The following PLPP7 variants were observed in gnomAD, a reference collection of about 807,000 sequenced individuals.
PLPP7 encodes the protein inactive phospholipid phosphatase 7.
PLPP7 carries 11 observed loss-of-function variants against 16.9 expected under a neutral mutation model. That is an observed-to-expected ratio of 0.65 (90% CI 0.41 to 1.08). The LOEUF (loss-of-function observed/expected upper bound fraction) is 1.08. Ranked by LOEUF, PLPP7 falls within the 50% of genes least tolerant of loss-of-function variation. The pLI, the probability that PLPP7 is intolerant of heterozygous loss-of-function variation, is 0.00. For missense variants in PLPP7, 358 were observed against 397.1 expected (o/e 0.90, Z 0.84); for synonymous variants, 174 against 175.1 (o/e 0.99, Z 0.05).
chr9:131,306,666 G>A (rs959215557), intron 1 of PLPP7, among the ~76,000 whole-genome samples: 18 of 152,172 alleles, frequency 1.2e-4, no homozygotes, highest in Admixed American at 1.2e-3. Context: ...AGGAAAGGAA[G>A]GCAGACACAA....
At chr9:131,300,143 G>A (rs1306224343) in intron 1 of PLPP7, among the ~76,000 whole-genome samples, 1 of 152,206 alleles carries the variant, frequency 6.6e-6, no homozygotes, top group Admixed American at 6.5e-5. Flanking sequence ...CATCTGGTGA[G>A]GGCCTTCTTG....
At chr9:131,291,032 G>T in intron 1 of PLPP7, 1 of 1,356,166 alleles carries the variant, frequency 7.4e-7, no homozygotes, top group Non-Finnish European at 9.9e-7. Flanking sequence ...CCTTCCCAGG[G>T]GGAGTCACTG....
In PLPP7 at chr9:131,289,968, A is replaced by G. The variant is rs780714550; in HGVS notation, c.-30A>G. ...AGAAGGCCCTTGGAGCCGGGCTGGC[A>G]TCGGCCTTCTCGGGGTGAGCGAGGT... On this transcript the variant is annotated 5_prime_UTR_variant, in exon 1 of 2. Transcript: ENST00000372264. 4 of 1,401,376 alleles carry G rather than the reference A, an allele frequency of 2.9e-6. No individual in the cohort carries two copies. The highest frequency in any genetic ancestry group is 2.9e-5 in the Admixed American group (1 of 34,450). 86.8% of individuals were successfully genotyped at this position (1,401,376 alleles called of 1,614,324 possible).
At chr9:131,300,782 T>C (rs1835789854) in intron 1 of PLPP7, among the ~76,000 whole-genome samples, 1 of 150,714 alleles carries the variant, frequency 6.6e-6, no homozygotes, top group African/African-American at 2.4e-5. Flanking sequence ...AGCTGGGGCA[T>C]GTGGGGAGGT....
intron 1 of PLPP7, among the ~76,000 whole-genome samples, chr9:131,303,193 G>T (rs566289769): frequency 6.6e-6 from 1 of 152,106 alleles, no homozygotes; most frequent in South Asian, 2.1e-4. Context: ...TTAGCTGGGC[G>T]TGGTAGCACA....
intron 1 of PLPP7, among the ~76,000 whole-genome samples, chr9:131,300,689 GAAAAAAAAAA>G (rs1165239833): frequency 2.5e-5 from 1 of 40,358 alleles, no homozygotes; most frequent in African/African-American, 8.6e-5. Flanking sequence ...CTCAAAAGCA[GAAAAAAAAAA>G]AAAAAAAAAA....
intron 1 of PLPP7, among the ~76,000 whole-genome samples, chr9:131,307,242 T>C (rs2131221735): frequency 7.5e-6 from 1 of 134,024 alleles, no homozygotes; most frequent in East Asian, 2.2e-4. Flanking sequence ...CAAGACCCTG[T>C]ATCAAAAAAA....
chr9:131,291,511 C>A, intron 1 of PLPP7: 17 of 568,712 alleles, frequency 3.0e-5, no homozygotes, highest in African/African-American at 4.1e-5. Flanking sequence ...TTGGATACTT[C>A]ATGCAGGAGA....
intron 1 of PLPP7, among the ~76,000 whole-genome samples, chr9:131,298,490 C>G (rs1835760279): frequency 1.3e-5 from 2 of 152,254 alleles, no homozygotes. Flanking sequence ...CAGCCTTCAC[C>G]TCCCACCCCT....
intron 1 of PLPP7, among the ~76,000 whole-genome samples, chr9:131,307,491 C>A (rs1020426083): frequency 7.8e-6 from 1 of 128,448 alleles, no homozygotes; most frequent in African/African-American, 3.0e-5. Context: ...GGCGGAGGTT[C>A]CAGTGAGCCA....
chr9:131,298,446 G>T, intron 1 of PLPP7, among the ~76,000 whole-genome samples: 1 of 152,048 alleles, frequency 6.6e-6, no homozygotes, highest in Non-Finnish European at 1.5e-5. Context: ...CAGAAGCCCC[G>T]TCCTTGTTCC....
chr9:131,289,943 A>C lies in PLPP7; in HGVS notation c.-55A>C. On this transcript the variant is annotated 5_prime_UTR_variant, in exon 1 of 2. Coordinates refer to ENST00000372264, the MANE Select transcript of PLPP7 (RefSeq NM_032728.4). ...CTGGGGGCAGCTCTTGTCTTCGGGG[A>C]GAAGGCCCTTGGAGCCGGGCTGGCA... 1 of 1,345,186 alleles carries C rather than the reference A, an allele frequency of 7.4e-7. No homozygotes were observed. The highest frequency in any genetic ancestry group is 9.6e-7 in the Non-Finnish European group (1 of 1,046,556). 83.3% of individuals were successfully genotyped at this position (1,345,186 alleles called of 1,614,324 possible).
chr9:131,293,917 G>A (rs1266558355), intron 1 of PLPP7, among the ~76,000 whole-genome samples: 3 of 152,176 alleles, frequency 2.0e-5, no homozygotes, highest in East Asian at 1.9e-4. Context: ...AACCCCCAGG[G>A]GCAGTCTCTG....
At chr9:131,294,195 A>G (rs1382187236) in intron 1 of PLPP7, among the ~76,000 whole-genome samples, 2 of 152,102 alleles carry the variant, frequency 1.3e-5, no homozygotes, top group Non-Finnish European at 2.9e-5. Context: ...TTTGGACTCC[A>G]CAGGCAGCCG....
intron 1 of PLPP7, among the ~76,000 whole-genome samples, chr9:131,301,867 A>G (rs1397262266): frequency 1.4e-4 from 19 of 136,118 alleles, no homozygotes; most frequent in African/African-American, 4.9e-4. Context: ...CCCAGGCTGG[A>G]GTGCAGTGGC....
At chr9:131,306,245 CAAATA>C (rs1344413452) in intron 1 of PLPP7, among the ~76,000 whole-genome samples, 6 of 150,024 alleles carry the variant, frequency 4.0e-5, no homozygotes, top group Admixed American at 2.0e-4. Context: ...TCAAAAAAAT[CAAATA>C]AAATAAAGAG....
chr9:131,291,321 G>A, intron 1 of PLPP7: 5 of 1,202,532 alleles, frequency 4.2e-6, no homozygotes, highest in Non-Finnish European at 5.3e-6. Flanking sequence ...GGACATGTGA[G>A]GTGGAGGTCT....
chr9:131,303,076 A>C (rs1323056107), intron 1 of PLPP7, among the ~76,000 whole-genome samples: 1 of 152,210 alleles, frequency 6.6e-6, no homozygotes, highest in Non-Finnish European at 1.5e-5. Flanking sequence ...TCACGCCTGT[A>C]ATCCCAGCAC....
intron 1 of PLPP7, among the ~76,000 whole-genome samples, chr9:131,305,886 C>T (rs534645976): frequency 3.7e-4 from 56 of 152,292 alleles, no homozygotes; most frequent in African/African-American, 1.2e-3. Flanking sequence ...ATCTCAGCCT[C>T]CCAAAGTGCT....
Sources: gnomAD v4.1 joint callset for allele counts (sites outside exome capture counted in the v4.1 genomes callset) on GRCh38, gnomAD v4.1.1 for gene constraint, MANE v1.5 for transcripts, NCBI Gene and HGNC (gene_info 2026-07-23, HGNC 2026-07-21) for gene names.